Variants in PPP1R9B observed in about 807,000 individuals in gnomAD.
PPP1R9B encodes neurabin-2.
In PPP1R9B, 17 loss-of-function variants were observed where a neutral mutation model predicts 75.8. That is an observed-to-expected ratio of 0.22 (90% CI 0.15 to 0.34). The LOEUF (loss-of-function observed/expected upper bound fraction) is 0.34. PPP1R9B is among the 10% of genes least tolerant of loss of function. The pLI is 1.00. For missense variants in PPP1R9B, 875 were observed against 1,196.0 expected, an observed-to-expected ratio of 0.73 and a Z score of 3.96; for synonymous variants, 509 against 535.4, an observed-to-expected ratio of 0.95 and a Z score of 0.68.
intron 1 of PPP1R9B, 66 bp from the exon 2 acceptor site, chr17:50,145,311 G>A (rs1473991899): frequency 6.3e-7 from 1 of 1,599,702 alleles, no homozygotes; most frequent in Non-Finnish European, 8.5e-7. Context: ...GCATGAGGAG[G>A]CCGAGGAGGC....
rs921414280 is a variant in PPP1R9B, at chr17:50,150,113, G to C, written c.401C>G (p.Pro134Arg). Reference sequence around the variant, plus strand: ...GGACGGCGGGTGCGGCGGCGGCGCAGGCTGCGCGGAGGGCGCGGGCTTGGA... The same window carrying C: ...GGACGGCGGGTGCGGCGGCGGCGCACGCTGCGCGGAGGGCGCGGGCTTGGA... ...FDSKPAPSAQ[P>R]APPPHPPSRL... Residue 134 changes from proline to arginine, a missense_variant, in exon 1 of 10, where the codon CCT becomes CGT. Pro to Arg is a moderately radical substitution (Grantham distance 103). Transcript: ENST00000612501. This position sits in a 1 kb window ranked among gnomAD's most constrained non-coding sequence, Gnocchi z 8.7. 5.0e-6 allele frequency: 7 copies of C among 1,401,256 alleles called. No homozygotes were observed. The highest frequency in any genetic ancestry group is 5.5e-6 in the Non-Finnish European group (6 of 1,083,318). 86.8% of individuals were successfully genotyped at this position (1,401,256 alleles called of 1,614,324 possible).
At chr17:50,147,313 C>T (rs1220430973) in intron 1 of PPP1R9B, among the ~76,000 whole-genome samples, 3 of 152,248 alleles carry the variant, frequency 2.0e-5, no homozygotes, top group Non-Finnish European at 4.4e-5. Flanking sequence ...GCAGAGGCCT[C>T]CACCTCCAGA....
At chr17:50,147,953 G>A (rs1429555949) in intron 1 of PPP1R9B, among the ~76,000 whole-genome samples, 1 of 152,194 alleles carries the variant, frequency 6.6e-6, no homozygotes, top group East Asian at 1.9e-4. Context: ...ATGGTGCTTT[G>A]GCTAGGGAAG....
In PPP1R9B at chr17:50,149,360, T is replaced by C. The variant is rs777634122; in HGVS notation, c.1154A>G (p.Glu385Gly). The C allele has an allele frequency of 6.2e-7, 1 of 1,613,038 alleles. No homozygotes were observed. Residue 385 changes from glutamate (E) to glycine (G), a missense_variant, in exon 1 of 10, where the codon GAG becomes GGG. Coordinates refer to ENST00000612501, the MANE Select transcript of PPP1R9B (RefSeq NM_032595.5). This position sits in a 1 kb window ranked among gnomAD's most constrained non-coding sequence, Gnocchi z 7.2. ...CACCAAGTCCGCCTCCGAGAAGTCCTCCTTCTTGGATTCATCTACCTCCTC... is the reference window on the plus strand; with the variant it reads ...CACCAAGTCCGCCTCCGAGAAGTCCCCCTTCTTGGATTCATCTACCTCCTC... ...APEEVDESKK[E>G]DFSEADLVDV...
intron 7 of PPP1R9B, among the ~76,000 whole-genome samples, chr17:50,136,737 C>A (rs1912242217): frequency 6.6e-6 from 1 of 152,134 alleles, no homozygotes; most frequent in Non-Finnish European, 1.5e-5. Flanking sequence ...CAGCTCAGTT[C>A]CGGATCCTCT....
Position 50,134,166 on chromosome 17 carries a change from A to G in PPP1R9B, c.*1165T>C. The G allele has an allele frequency of 6.6e-6, 1 of 152,568 alleles. No individual in the cohort carries two copies. 9.5% of individuals were successfully genotyped at this position (152,568 alleles called of 1,614,324 possible). A position where few individuals can be genotyped will look rare whatever the true frequency, so the allele number is the denominator to read the frequency against. ...TTTGAAAGGGGAGGGGACCTGGGGG[A>G]GGTGGTCTCACCTCCCTTGGTCCAA... On this transcript the variant is annotated 3_prime_UTR_variant, in exon 10 of 10. Transcript: ENST00000612501.
rs1236830785 is a variant in PPP1R9B, at chr17:50,140,084, A to T, written c.1866+9T>A. The T allele has an allele frequency of 1.2e-6, 2 of 1,611,486 alleles. No individual in the cohort carries two copies. Among genetic ancestry groups the T allele is most frequent in the African/African-American group, 2.7e-5 (2 of 74,618 alleles). On this transcript the variant is annotated intron_variant, in intron 5 of 9. Transcript: ENST00000612501. ...CGACCACGCGGCCAGCCAGGCAGGG[A>T]CTCCCTACCTCCTCGTCATCCTCCC...
rs1912659118 is a variant in PPP1R9B, at chr17:50,150,231, G to A, written c.283C>T (p.Leu95=). 1 of 1,442,642 alleles carries A rather than the reference G, an allele frequency of 6.9e-7. No individual in the cohort carries two copies. The highest frequency in any genetic ancestry group is 9.2e-7 in the Non-Finnish European group (1 of 1,092,008). 89.4% of individuals were successfully genotyped at this position (1,442,642 alleles called of 1,614,324 possible). The change falls in exon 1 of 10, where the codon CTG becomes TTG. Residue 95 remains leucine, a synonymous_variant. Transcript: ENST00000612501. The surrounding 1 kb of genome is among the most constrained non-coding windows in gnomAD (Gnocchi z 8.7). The part of the protein sequence containing the change: ...RASERGVRLS[L]PRASSLNENV... ...TCGTTCAGGCTGCTGGCCCGCGGCAGCGACAGGCGCACGCCGCGCTCGGAC... is the reference window on the plus strand; with the variant it reads ...TCGTTCAGGCTGCTGGCCCGCGGCAACGACAGGCGCACGCCGCGCTCGGAC...
Position 50,150,556 on chromosome 17 carries a change from CCGCTT to C in PPP1R9B, c.-48_-44del. The stretch of plus-strand genomic sequence containing the variant: ...TCGCATGCCCCTGCTCCCCGCTCCC[CCGCTT>C]CAACAGGCGGCTGGCCAAGTCGGGA... On this transcript the variant is annotated 5_prime_UTR_variant, in exon 1 of 10. Coordinates refer to ENST00000612501, the MANE Select transcript of PPP1R9B (RefSeq NM_032595.5). This position sits in a 1 kb window ranked among gnomAD's most constrained non-coding sequence, Gnocchi z 8.7. 7.9e-7 allele frequency: 1 copy of C among 1,266,818 alleles called. No individual in the cohort carries two copies. 78.5% of individuals were successfully genotyped at this position (1,266,818 alleles called of 1,614,324 possible).
Position 50,149,600 on chromosome 17 carries a change from T to TCCTCCA in PPP1R9B, c.908_913dup (p.Val303_Glu304dup), listed in dbSNP as rs751638019. The TCCTCCA allele has an allele frequency of 7.0e-6, 11 of 1,562,674 alleles. No individual in the cohort carries two copies. Among genetic ancestry groups the TCCTCCA allele is most frequent in the African/African-American group, 2.7e-5 (2 of 73,202 alleles). ...CGACTCGGCCTCCGACTCCCCGCTC[T>TCCTCCA]CCTCCACCTCCACCGGCTTAATCTT... is the stretch of plus-strand genomic sequence containing the variant. On this transcript the variant is annotated inframe_insertion, in exon 1 of 10. Transcript: ENST00000612501. The surrounding 1 kb of genome is among the most constrained non-coding windows in gnomAD (Gnocchi z 7.2).
chr17:50,148,868 C>T (rs1410812973), intron 1 of PPP1R9B, among the ~76,000 whole-genome samples: 5 of 152,230 alleles, frequency 3.3e-5, no homozygotes, highest in Admixed American at 2.0e-4. Context: ...CCGCGTGGGG[C>T]AGGGCGGGTT....
At chr17:50,148,331 G>A (rs1405718305) in intron 1 of PPP1R9B, among the ~76,000 whole-genome samples, 1 of 152,232 alleles carries the variant, frequency 6.6e-6, no homozygotes. Context: ...CAAGGCCATG[G>A]GAGTCTGTCC....
Position 50,141,662 on chromosome 17 carries a change from C to CAA in PPP1R9B, c.1626-291_1626-290dup, listed in dbSNP as rs398058762. Among the ~76,000 whole-genome samples the CAA allele has an allele frequency of 1.9e-3, 167 of 85,690 alleles. No individual in the cohort carries two copies. The Middle Eastern group carries it at 0.033, about 17-fold the overall frequency. The allele number at this position is 85,690 out of a possible 152,430, so 56.2% of individuals were successfully genotyped here. A position where few individuals can be genotyped will look rare whatever the true frequency, so the allele number is the denominator to read the frequency against. ...TGGGCAACAGAGTAAGACCCTGCCT[C>CAA]AAAAAAAAAAAAAAACAAAAAAAAA... is the stretch of plus-strand genomic sequence containing the variant. On this transcript the variant is annotated intron_variant, in intron 3 of 9. Transcript: ENST00000612501.
In PPP1R9B at chr17:50,142,952, C is replaced by G. The variant is rs1350451059; in HGVS notation, c.1625+646G>C. 6.6e-6 allele frequency among the ~76,000 whole-genome samples: 1 copy of G among 152,168 alleles called. No homozygotes were observed. The highest frequency in any genetic ancestry group is 1.5e-5 in the Non-Finnish European group (1 of 68,038). On this transcript the variant is annotated intron_variant, in intron 3 of 9. Transcript: ENST00000612501. The surrounding 1 kb of genome is among the most constrained non-coding windows in gnomAD (Gnocchi z 4.1). ...CCACACCTGCCTGCTCATGGCGCCACTGCCTGGAACCTCTGCACTCACTCC... is the reference window on the plus strand; with the variant it reads ...CCACACCTGCCTGCTCATGGCGCCAGTGCCTGGAACCTCTGCACTCACTCC...
rs1485807090 is a variant in PPP1R9B at position 50,136,047 on chromosome 17, G to A, written c.2224C>T (p.Arg742Trp). 8 of 1,610,836 alleles carry A rather than the reference G, an allele frequency of 5.0e-6. No individual in the cohort carries two copies. The highest frequency in any genetic ancestry group is 6.8e-6 in the Non-Finnish European group (8 of 1,178,652). Residue 742 changes from arginine to tryptophan, a missense_variant, in exon 8 of 10, where the codon CGG becomes TGG. Physicochemically the swap from Arg to Trp is moderately radical, Grantham distance 101 (BLOSUM62 -3). This residue lies in a region of PPP1R9B where 218 missense variants were observed against 334.6 expected (regional missense o/e 0.65). Coordinates refer to ENST00000612501, the MANE Select transcript of PPP1R9B (RefSeq NM_032595.5). ...GCCTGGTACTGCGCCTGAGTCTCCCGCAGGTGCTCGTCCACAGCCTGGCAC... is the reference window on the plus strand; with the variant it reads ...GCCTGGTACTGCGCCTGAGTCTCCCACAGGTGCTCGTCCACAGCCTGGCAC... The part of the protein sequence containing the change: ...SLCQAVDEHL[R>W]ETQAQYQALE...
chr17:50,148,150 C>T, intron 1 of PPP1R9B, among the ~76,000 whole-genome samples: 1 of 152,144 alleles, frequency 6.6e-6, no homozygotes, highest in Non-Finnish European at 1.5e-5. Context: ...TTTTGATTCC[C>T]CCCAGGGGAT....
At chr17:50,135,505 A>C (rs1912201249) in intron 9 of PPP1R9B, 48 bp downstream of exon 9, 1 of 1,591,526 alleles carries the variant, frequency 6.3e-7, no homozygotes, top group Non-Finnish European at 8.6e-7. Flanking sequence ...AGGGGCTTCA[A>C]TGCTGCTCCC....
At chr17:50,140,498 G>A in intron 4 of PPP1R9B, 1 of 501,370 alleles carries the variant, frequency 2.0e-6, no homozygotes, top group South Asian at 2.6e-5. Flanking sequence ...GTGCTGCAGG[G>A]GACATGCACT....
At position 50,139,474 on chromosome 17, in the gene PPP1R9B, G is replaced by A. The variant is rs373007817; in HGVS notation, c.1974C>T (p.Ser658=). 4 of 1,605,092 alleles carry A rather than the reference G, an allele frequency of 2.5e-6. No individual in the cohort carries two copies. In the African/African-American group the frequency reaches 4.0e-5, roughly 16 times the overall value. ...GCTTCTCGGGCTCCATGTCCACAGG[G>A]GACAGTGCATCCTCGTTCTCCGCTA... ...FELAENEDAL[S]PVDMEPEKLV... Residue 658 remains serine (S), a synonymous_variant, in exon 6 of 10, where the codon TCC becomes TCT. Coordinates refer to ENST00000612501, the MANE Select transcript of PPP1R9B (RefSeq NM_032595.5). This position sits in a 1 kb window ranked among gnomAD's most constrained non-coding sequence, Gnocchi z 5.0.
Sources: allele counts gnomAD v4.1 joint callset (sites outside exome capture counted in the v4.1 genomes callset), GRCh38; gene constraint gnomAD v4.1.1; regional missense constraint gnomAD v4.1.1; non-coding constraint Gnocchi (gnomAD v3.1); transcripts MANE v1.5; gene names NCBI Gene and HGNC (gene_info 2026-07-23, HGNC 2026-07-21).